Variants in FMN1 observed in about 807,000 individuals in gnomAD.
The protein encoded by FMN1 is formin 1, also known as formin-1.
FMN1 carries 110 observed loss-of-function variants against 132.4 expected under a neutral mutation model. The ratio of observed to expected loss-of-function variants is 0.83; its 90% CI spans 0.71 to 0.97. The LOEUF (loss-of-function observed/expected upper bound fraction) is 0.97, where lower values mean the gene tolerates loss of function less well. FMN1 is among the 50% of genes least tolerant of loss of function. The pLI is 0.00. For synonymous variants in FMN1, 722 were observed against 651.7 expected (o/e 1.11, Z -1.64); for missense variants, 1,792 against 1,705.3 (o/e 1.05, Z -0.90).
At chr15:32,776,810 G>C (rs1423739640) in intron 20 of FMN1, 25 bp downstream of exon 20, 1 of 1,426,712 alleles carries the variant, frequency 7.0e-7, no homozygotes, top group Non-Finnish European at 9.7e-7. Context: ...ACAATCGTTA[G>C]ATTATGTTGA....
At chr15:32,980,325 A>G (rs542130040) in intron 7 of FMN1, among the ~76,000 whole-genome samples, 2 of 152,156 alleles carry the variant, frequency 1.3e-5, no homozygotes, top group Non-Finnish European at 2.9e-5. Flanking sequence ...AAAAAACAAA[A>G]ACCTAAAATA....
chr15:32,997,782 C>T (rs560511495), intron 7 of FMN1, among the ~76,000 whole-genome samples: 9 of 152,294 alleles, frequency 5.9e-5, no homozygotes, highest in African/African-American at 2.2e-4. Context: ...TTCACTTACA[C>T]TTCCAAAGCT....
At chr15:33,021,802 A>G (rs2035430095) in intron 6 of FMN1, among the ~76,000 whole-genome samples, 1 of 152,182 alleles carries the variant, frequency 6.6e-6, no homozygotes, top group Non-Finnish European at 1.5e-5. Context: ...TAGAGGTGCT[A>G]AGCAGTTTAA....
chr15:32,830,467 C>T (rs1275512728), intron 17 of FMN1, among the ~76,000 whole-genome samples: 2 of 152,098 alleles, frequency 1.3e-5, no homozygotes, highest in Non-Finnish European at 2.9e-5. Flanking sequence ...GATGAATTTG[C>T]TTTTATGAAG....
intron 7 of FMN1, among the ~76,000 whole-genome samples, chr15:32,978,750 A>G (rs572074292): frequency 6.6e-6 from 1 of 152,142 alleles, no homozygotes; most frequent in African/African-American, 2.4e-5. Flanking sequence ...TGCCTCACAC[A>G]CTTGTCTATA....
intron 10 of FMN1, among the ~76,000 whole-genome samples, chr15:32,924,090 A>C (rs559301471): frequency 4.0e-4 from 61 of 152,304 alleles, no homozygotes; most frequent in African/African-American, 1.4e-3. Context: ...CTCTGCTCTA[A>C]CATCACATTC....
At chr15:32,965,222 AC>A (rs2031084582) in intron 8 of FMN1, among the ~76,000 whole-genome samples, 1 of 151,926 alleles carries the variant, frequency 6.6e-6, no homozygotes, top group South Asian at 2.1e-4. Context: ...ACATGGTGAA[AC>A]CCCATCTCTA....
At chr15:32,951,436 C>T (rs951436275) in intron 9 of FMN1, among the ~76,000 whole-genome samples, 3 of 151,130 alleles carry the variant, frequency 2.0e-5, no homozygotes, top group African/African-American at 7.4e-5. Context: ...CACACACACA[C>T]ACACACACAC....
At chr15:32,851,295 TA>T (rs1455461525) in intron 17 of FMN1, among the ~76,000 whole-genome samples, 1 of 152,178 alleles carries the variant, frequency 6.6e-6, no homozygotes, top group Non-Finnish European at 1.5e-5. Flanking sequence ...GCCAAAGCTA[TA>T]AATACAAATG....
chr15:33,128,740 G>C (rs2085180), intron 4 of FMN1, among the ~76,000 whole-genome samples: 6 of 151,964 alleles, frequency 3.9e-5, no homozygotes, highest in Non-Finnish European at 4.4e-5. Context: ...TAAAGGTGAT[G>C]TGGTGAATTT....
intron 5 of FMN1, chr15:33,066,900 C>T (rs2037757121): frequency 6.2e-7 from 1 of 1,613,952 alleles, no homozygotes; most frequent in Non-Finnish European, 8.5e-7. Context: ...GCTTTCTTCT[C>T]ACTCTTCACT....
intron 9 of FMN1, among the ~76,000 whole-genome samples, chr15:32,932,336 G>T (rs976361775): frequency 6.6e-6 from 1 of 152,224 alleles, no homozygotes; most frequent in Non-Finnish European, 1.5e-5. Context: ...GGGAGGCCAA[G>T]GTTGCAGTGA....
chr15:32,776,950 G>C (rs1555450930), intron 19 of FMN1, 31 bp from the exon 20 acceptor site: 3 of 1,338,226 alleles, frequency 2.2e-6, no homozygotes, highest in Non-Finnish European at 3.2e-6. Context: ...AGACAGGGGA[G>C]AGAGGGAAAA....
intron 6 of FMN1, among the ~76,000 whole-genome samples, chr15:33,055,317 G>A (rs774229884): frequency 2.0e-5 from 3 of 152,064 alleles, no homozygotes; most frequent in Non-Finnish European, 4.4e-5. Context: ...CCACCCCTTC[G>A]AGTTGTCCTA....
At chr15:32,782,877 A>T (rs1174793324) in intron 19 of FMN1, among the ~76,000 whole-genome samples, 1 of 152,230 alleles carries the variant, frequency 6.6e-6, no homozygotes, top group Non-Finnish European at 1.5e-5. Flanking sequence ...GCAGATCATT[A>T]TCCTAAGTGA....
intron 4 of FMN1, among the ~76,000 whole-genome samples, chr15:33,124,434 A>G (rs565919014): frequency 1.1e-4 from 16 of 152,170 alleles, no homozygotes; most frequent in African/African-American, 3.9e-4. Context: ...AAAGCTTCCC[A>G]TGGCCCTGCC....
At chr15:33,128,826 C>A (rs1279240402) in intron 4 of FMN1, among the ~76,000 whole-genome samples, 1 of 152,230 alleles carries the variant, frequency 6.6e-6, no homozygotes, top group African/African-American at 2.4e-5. Context: ...AATAACAAAG[C>A]CTCCGCAATG....
chr15:32,816,506 G>A (rs1567214656), intron 17 of FMN1, among the ~76,000 whole-genome samples: 2 of 152,068 alleles, frequency 1.3e-5, no homozygotes, highest in Non-Finnish European at 2.9e-5. Context: ...GAAGAAAGGG[G>A]CTCATTTAAT....
chr15:32,947,621 T>C (rs771010819), intron 9 of FMN1, among the ~76,000 whole-genome samples: 5 of 152,094 alleles, frequency 3.3e-5, no homozygotes, highest in African/African-American at 1.2e-4. Context: ...ATCTTTATAA[T>C]ATTGGCTTTC....
Sources: gnomAD v4.1 joint callset for allele counts (sites outside exome capture counted in the v4.1 genomes callset) on GRCh38, gnomAD v4.1.1 for gene constraint, MANE v1.5 for transcripts, NCBI Gene and HGNC (gene_info 2026-07-23, HGNC 2026-07-21) for gene names.